SEMA6D: variants seen among roughly 807,000 people sequenced by gnomAD.
SEMA6D encodes semaphorin-6D.
Under a neutral mutation model 106.6 loss-of-function variants are expected in SEMA6D, and 35 were observed. The ratio of observed to expected loss-of-function variants is 0.33; its 90% confidence interval spans 0.25 to 0.44. The LOEUF is 0.44. Ranked by LOEUF, SEMA6D falls within the 20% of genes least tolerant of loss-of-function variation. The probability of loss-of-function intolerance (pLI) is 1.00; values close to 1 mark genes in which losing one functional copy is unlikely to be tolerated. For synonymous variants in SEMA6D, 499 were observed against 487.7 expected (o/e 1.02, Z -0.31); for missense variants, 1,185 against 1,345.9 (o/e 0.88, Z 1.87).
intron 2 of SEMA6D, among the ~76,000 whole-genome samples, chr15:47,422,579 G>A (rs1254848064): frequency 6.6e-6 from 1 of 151,978 alleles, no homozygotes; most frequent in East Asian, 1.9e-4. Context: ...CTTCAATGAG[G>A]ACATGATGAA....
At chr15:47,321,068 C>A (rs2036903509) in intron 1 of SEMA6D, among the ~76,000 whole-genome samples, 1 of 152,176 alleles carries the variant, frequency 6.6e-6, no homozygotes, top group South Asian at 2.1e-4. Context: ...ATGTAAGCTA[C>A]TTCATAACAG....
intron 4 of SEMA6D, among the ~76,000 whole-genome samples, chr15:47,618,484 G>T (rs1167376376): frequency 1.3e-5 from 2 of 152,220 alleles, no homozygotes; most frequent in Non-Finnish European, 2.9e-5. Context: ...TTCAATCAAT[G>T]AGTTGCATTG....
At chr15:47,595,214 T>G (rs1298785701) in intron 3 of SEMA6D, among the ~76,000 whole-genome samples, 3 of 152,236 alleles carry the variant, frequency 2.0e-5, no homozygotes, top group Non-Finnish European at 4.4e-5. Flanking sequence ...AGGGTTGTTA[T>G]ATATGGCCTT....
chr15:47,577,909 T>A (rs1464349127), intron 3 of SEMA6D, among the ~76,000 whole-genome samples: 1 of 152,246 alleles, frequency 6.6e-6, no homozygotes, highest in Non-Finnish European at 1.5e-5. Context: ...AAAATATGCA[T>A]GTGGAAGAAA....
intron 2 of SEMA6D, chr15:47,412,503 A>G (rs1226310455): frequency 6.6e-6 from 1 of 152,622 alleles, no homozygotes; most frequent in Non-Finnish European, 1.5e-5. Flanking sequence ...AACGAAGGAC[A>G]GTAAATATTA....
intron 1 of SEMA6D, among the ~76,000 whole-genome samples, chr15:47,313,174 G>A (rs956248031): frequency 2.0e-5 from 3 of 152,074 alleles, no homozygotes; most frequent in African/African-American, 7.2e-5. Context: ...CTGTGCTACC[G>A]TACATTCTGT....
chr15:47,717,252 G>A (rs1313419609), upstream of SEMA6D: 1 of 152,292 alleles, frequency 6.6e-6, no homozygotes, highest in African/African-American at 2.4e-5. Flanking sequence ...GAGGGACGCG[G>A]AGGCCACCGA....
intron 13 of SEMA6D, chr15:47,765,414 A>C (rs1262287758): frequency 9.4e-7 from 1 of 1,061,832 alleles, no homozygotes; most frequent in Non-Finnish European, 1.1e-6. Flanking sequence ...ACATACATAC[A>C]CAGAATGCAG....
intron 4 of SEMA6D, among the ~76,000 whole-genome samples, chr15:47,615,919 C>T: frequency 6.6e-6 from 1 of 152,204 alleles, no homozygotes; most frequent in East Asian, 1.9e-4. Flanking sequence ...TATCCAGTTA[C>T]TGAAGAGCAC....
chr15:47,578,588 T>A (rs1320215895), intron 3 of SEMA6D, among the ~76,000 whole-genome samples: 1 of 152,200 alleles, frequency 6.6e-6, no homozygotes, highest in Non-Finnish European at 1.5e-5. Flanking sequence ...TAAGGATGCT[T>A]CTCAAAGTAC....
chr15:47,199,268 C>T (rs993336729), intron 1 of SEMA6D, among the ~76,000 whole-genome samples: 1 of 152,130 alleles, frequency 6.6e-6, no homozygotes, highest in Non-Finnish European at 1.5e-5. Flanking sequence ...ATGGTTTCAG[C>T]TGCTCTCATT....
intron 2 of SEMA6D, among the ~76,000 whole-genome samples, chr15:47,462,373 G>A (rs1333663375): frequency 6.6e-6 from 1 of 152,074 alleles, no homozygotes; most frequent in Non-Finnish European, 1.5e-5. Flanking sequence ...CACTACATAT[G>A]TTGCCTCACC....
At chr15:47,395,368 A>G (rs2040179415) in intron 1 of SEMA6D, among the ~76,000 whole-genome samples, 1 of 152,226 alleles carries the variant, frequency 6.6e-6, no homozygotes, top group Non-Finnish European at 1.5e-5. Context: ...AATCAAATGA[A>G]ATAGTCTAAT....
At chr15:47,536,274 T>C (rs567612902) in intron 3 of SEMA6D, among the ~76,000 whole-genome samples, 1 of 152,326 alleles carries the variant, frequency 6.6e-6, no homozygotes, top group Admixed American at 6.5e-5. Flanking sequence ...GTGGTTACTT[T>C]GATTTTGTCG....
chr15:47,253,271 G>A (rs1474729229), intron 1 of SEMA6D, among the ~76,000 whole-genome samples: 2 of 152,112 alleles, frequency 1.3e-5, no homozygotes, highest in Non-Finnish European at 1.5e-5. Context: ...TCTGTCAGAT[G>A]CATAGTTTGC....
intron 4 of SEMA6D, chr15:47,606,303 A>C (rs1313649755): frequency 6.6e-6 from 1 of 152,150 alleles, no homozygotes; most frequent in Non-Finnish European, 1.5e-5. Context: ...GTCCATTTTA[A>C]AAGAGAGAGA....
At chr15:47,512,646 A>T (rs1316520908) in intron 3 of SEMA6D, among the ~76,000 whole-genome samples, 1 of 152,192 alleles carries the variant, frequency 6.6e-6, no homozygotes, top group Non-Finnish European at 1.5e-5. Flanking sequence ...AGAATCCTGG[A>T]CAGGTTACCA....
chr15:47,436,182 G>A (rs1203855613), intron 2 of SEMA6D, among the ~76,000 whole-genome samples: 1 of 152,104 alleles, frequency 6.6e-6, no homozygotes, highest in African/African-American at 2.4e-5. Context: ...CTGAGGTCAG[G>A]AGTTCCAGAC....
chr15:47,536,263 G>T (rs1471545053), intron 3 of SEMA6D, among the ~76,000 whole-genome samples: 2 of 152,134 alleles, frequency 1.3e-5, no homozygotes, highest in Non-Finnish European at 2.9e-5. Context: ...CACCATAAAT[G>T]GTGGTTACTT....
Sources: gnomAD v4.1 joint callset for allele counts (sites outside exome capture counted in the v4.1 genomes callset) on GRCh38, gnomAD v4.1.1 for gene constraint, MANE v1.5 for transcripts, NCBI Gene and HGNC (gene_info 2026-07-23, HGNC 2026-07-21) for gene names.